DGKI: variants seen among roughly 807,000 people sequenced by gnomAD.
DGKI encodes diacylglycerol kinase iota.
A neutral mutation model predicts 147.5 loss-of-function variants in DGKI; 55 were observed. The observed-to-expected ratio is 0.37, with a 90% CI of 0.30 to 0.47. The LOEUF (loss-of-function observed/expected upper bound fraction) is 0.47. Among genes scored for constraint, DGKI ranks in the 20% least tolerant of loss-of-function variants. The probability of loss-of-function intolerance (pLI) is 1.00; values close to 1 mark genes in which losing one functional copy is unlikely to be tolerated. For synonymous variants in DGKI, 469 were observed against 477.1 expected (o/e 0.98, Z 0.22); for missense variants, 1,007 against 1,323.8 (o/e 0.76, Z 3.71).
chr7:137,537,206 A>C (rs2128959585), intron 20 of DGKI, among the ~76,000 whole-genome samples: 1 of 152,300 alleles, frequency 6.6e-6, no homozygotes, highest in Middle Eastern at 3.4e-3. Context: ...AGAGGAAGGA[A>C]GAAGAGACGA....
intron 6 of DGKI, among the ~76,000 whole-genome samples, chr7:137,640,445 C>T (rs551045831): frequency 3.9e-5 from 6 of 152,232 alleles, no homozygotes; most frequent in Middle Eastern, 3.4e-3. Flanking sequence ...TCTACCTACT[C>T]GTAATCCTCC....
At chr7:137,458,994 G>T (rs1157643233) in intron 27 of DGKI, among the ~76,000 whole-genome samples, 1 of 151,250 alleles carries the variant, frequency 6.6e-6, no homozygotes. Context: ...TTGTTATTAT[G>T]TTCACAGGTT....
chr7:137,554,320 T>C (rs1614024), intron 19 of DGKI, among the ~76,000 whole-genome samples: 16,628 of 152,244 alleles, frequency 0.11, 2,047 homozygotes, highest in African/African-American at 0.3. Context: ...AGACATAGTC[T>C]CTAAGAGCCC....
At chr7:137,718,813 T>C (rs1245892150) in intron 1 of DGKI, among the ~76,000 whole-genome samples, 3 of 152,130 alleles carry the variant, frequency 2.0e-5, no homozygotes, top group African/African-American at 7.2e-5. Context: ...AATCAGACTA[T>C]GTGATGTAAG....
intron 8 of DGKI, among the ~76,000 whole-genome samples, chr7:137,614,289 A>C (rs1240916697): frequency 2.6e-5 from 4 of 152,124 alleles, no homozygotes; most frequent in Non-Finnish European, 5.9e-5. Context: ...CCAAGTACAA[A>C]ATATTTTTTC....
At chr7:137,748,787 T>G (rs990084850) in intron 1 of DGKI, among the ~76,000 whole-genome samples, 1 of 152,132 alleles carries the variant, frequency 6.6e-6, no homozygotes, top group Non-Finnish European at 1.5e-5. Flanking sequence ...CTAAAAACCA[T>G]TAGAAAAAAA....
chr7:137,784,116 C>T (rs1327472708), intron 1 of DGKI, among the ~76,000 whole-genome samples: 1 of 152,136 alleles, frequency 6.6e-6, no homozygotes, highest in Non-Finnish European at 1.5e-5. Context: ...TAGTATTTCA[C>T]ATCTCAATAC....
intron 1 of DGKI, among the ~76,000 whole-genome samples, chr7:137,842,540 G>C (rs1447391850): frequency 6.6e-6 from 1 of 152,142 alleles, no homozygotes; most frequent in Non-Finnish European, 1.5e-5. Flanking sequence ...GGTCTGCCCA[G>C]ACATACTGAC....
intron 1 of DGKI, chr7:137,771,468 A>G (rs533737575): frequency 3.9e-5 from 6 of 152,252 alleles, no homozygotes; most frequent in Non-Finnish European, 7.3e-5. Context: ...TAGGTATTCC[A>G]GATACTTTCA....
At chr7:137,657,699 G>C (rs1239688229) in intron 3 of DGKI, among the ~76,000 whole-genome samples, 2 of 152,178 alleles carry the variant, frequency 1.3e-5, no homozygotes, top group Non-Finnish European at 2.9e-5. Flanking sequence ...GAGATTGCTG[G>C]CAACCTTCCC....
chr7:137,638,290 T>A, intron 6 of DGKI, among the ~76,000 whole-genome samples: 1 of 151,608 alleles, frequency 6.6e-6, no homozygotes, highest in East Asian at 1.9e-4. Flanking sequence ...TCTTCTTTCC[T>A]CTCCATATAC....
chr7:137,479,205 C>A (rs564693981), intron 23 of DGKI, among the ~76,000 whole-genome samples: 1 of 152,198 alleles, frequency 6.6e-6, no homozygotes, highest in South Asian at 2.1e-4. Context: ...TAATGTAGGC[C>A]AAATGACATA....
chr7:137,526,841 T>C (rs1049393701), intron 20 of DGKI, among the ~76,000 whole-genome samples: 4 of 152,130 alleles, frequency 2.6e-5, no homozygotes, highest in African/African-American at 9.7e-5. Context: ...TCAATTTCTT[T>C]AGTATACACT....
chr7:137,842,408 T>C (rs1798570644), intron 1 of DGKI, among the ~76,000 whole-genome samples: 1 of 152,234 alleles, frequency 6.6e-6, no homozygotes, highest in African/African-American at 2.4e-5. Flanking sequence ...CTAAAGCGTT[T>C]AATACTCCTT....
At chr7:137,636,381 C>G (rs541449891) in intron 6 of DGKI, among the ~76,000 whole-genome samples, 1 of 152,292 alleles carries the variant, frequency 6.6e-6, no homozygotes, top group African/African-American at 2.4e-5. Flanking sequence ...CATATCCTTC[C>G]TCTTCTATGT....
chr7:137,699,646 A>G (rs1391446631), intron 1 of DGKI, among the ~76,000 whole-genome samples: 2 of 152,214 alleles, frequency 1.3e-5, no homozygotes, highest in Non-Finnish European at 2.9e-5. Flanking sequence ...TTAAGAACAT[A>G]AGCCTTTTGG....
chr7:137,696,461 T>TTTTTTTTTTTG (rs1554459920), intron 1 of DGKI, among the ~76,000 whole-genome samples: 12 of 109,074 alleles, frequency 1.1e-4, no homozygotes, highest in South Asian at 3.8e-4. Flanking sequence ...TTTTTTTTTT[T>TTTTTTTTTTTG]TTGCTTAATG....
chr7:137,404,269 C>T (rs2128896974), intron 30 of DGKI, among the ~76,000 whole-genome samples: 1 of 152,224 alleles, frequency 6.6e-6, no homozygotes, highest in South Asian at 2.1e-4. Flanking sequence ...GACAGTTGAG[C>T]TGAAGTGTTT....
chr7:137,687,143 C>A (rs1051625321), intron 2 of DGKI, among the ~76,000 whole-genome samples: 9 of 152,092 alleles, frequency 5.9e-5, no homozygotes, highest in Non-Finnish European at 1.0e-4. Context: ...AACAACAGGA[C>A]CCTCGTCGTC....
Sources: allele counts gnomAD v4.1 joint callset (sites outside exome capture counted in the v4.1 genomes callset), GRCh38; gene constraint gnomAD v4.1.1; transcripts MANE v1.5; gene names NCBI Gene and HGNC (gene_info 2026-07-23, HGNC 2026-07-21).